The following FARP1 variants were observed in gnomAD, a reference collection of about 807,000 sequenced individuals.
The protein encoded by FARP1 is FERM, ARH/RhoGEF and pleckstrin domain protein 1, also known as FERM, ARHGEF and pleckstrin domain-containing protein 1.
A neutral mutation model predicts 128.8 loss-of-function variants in FARP1; 52 were observed. That is an observed-to-expected ratio of 0.40 (90% CI 0.32 to 0.51). The LOEUF (loss-of-function observed/expected upper bound fraction) is 0.51, where lower values mean the gene tolerates loss of function less well. Among genes scored for constraint, FARP1 ranks in the 20% least tolerant of loss-of-function variants. The pLI, the probability that FARP1 is intolerant of heterozygous loss-of-function variation, is 0.45. For synonymous variants in FARP1, 580 were observed against 551.8 expected, an observed-to-expected ratio of 1.05 and a Z score of -0.72; for missense variants, 1,333 against 1,367.9, an observed-to-expected ratio of 0.97 and a Z score of 0.40.
intron 1 of FARP1, among the ~76,000 whole-genome samples, chr13:98,179,069 C>T (rs181705193): frequency 2.0e-4 from 31 of 152,214 alleles, no homozygotes; most frequent in African/African-American, 4.6e-4. Context: ...CATATTAGTC[C>T]GTTTTCACGC....
rs1163710961 is a variant in FARP1 at position 98,451,406 on chromosome 13, T to C, written c.*3089T>C. On this transcript the variant is annotated 3_prime_UTR_variant, in exon 27 of 27. Coordinates refer to ENST00000319562, the MANE Select transcript of FARP1 (RefSeq NM_005766.4). ...TTCTTGTATGGAGTAATGAGTACAA[T>C]AAGAATTAGCAACTCAGTTCTATTT... The C allele has an allele frequency of 6.6e-6, 1 of 152,172 alleles. No individual in the cohort carries two copies. Among genetic ancestry groups the C allele is most frequent in the Non-Finnish European group, 1.5e-5 (1 of 68,026 alleles). 9.4% of individuals were successfully genotyped at this position (152,172 alleles called of 1,614,324 possible).
At chr13:98,279,115 G>A (rs2046100) in intron 2 of FARP1, among the ~76,000 whole-genome samples, 37,314 of 151,888 alleles carry the variant, frequency 0.25, 5,339 homozygotes, top group South Asian at 0.46. Flanking sequence ...GATTACAGGC[G>A]TGAGCCAACG....
intron 6 of FARP1, among the ~76,000 whole-genome samples, chr13:98,381,243 A>T (rs1889877531): frequency 6.6e-6 from 1 of 152,204 alleles, no homozygotes; most frequent in Admixed American, 6.5e-5. Context: ...CATTTCATAG[A>T]GTCTTCTGTG....
chr13:98,167,955 G>C (rs1458024018), intron 1 of FARP1, among the ~76,000 whole-genome samples: 3 of 151,596 alleles, frequency 2.0e-5, no homozygotes, highest in African/African-American at 7.3e-5. Flanking sequence ...GGTGGATCAC[G>C]AGGTCAGGAG....
At chr13:98,268,092 C>T (rs1406627352) in intron 2 of FARP1, among the ~76,000 whole-genome samples, 2 of 152,190 alleles carry the variant, frequency 1.3e-5, no homozygotes, top group African/African-American at 4.8e-5. Context: ...TATCCATTTA[C>T]ATTTTTAACT....
intron 10 of FARP1, 87 bp downstream of exon 10, chr13:98,390,207 G>A: frequency 7.1e-7 from 1 of 1,415,630 alleles, no homozygotes; most frequent in South Asian, 1.3e-5. Context: ...AGCAGGTCAG[G>A]GAGGTGAACG....
chr13:98,263,025 T>G (rs1883952485), intron 2 of FARP1, among the ~76,000 whole-genome samples: 1 of 152,106 alleles, frequency 6.6e-6, no homozygotes, highest in African/African-American at 2.4e-5. Context: ...TATTGTTTTT[T>G]GGGACAGAGC....
At chr13:98,440,367 A>C (rs1892474533) in intron 23 of FARP1, 132 bp downstream of exon 23, 9 of 713,038 alleles carry the variant, frequency 1.3e-5, no homozygotes, top group Admixed American at 2.4e-5. Context: ...GCCAAAGATC[A>C]AGACAGTTCT....
At chr13:98,354,109 T>C (rs1888549294) in intron 3 of FARP1, among the ~76,000 whole-genome samples, 1 of 152,212 alleles carries the variant, frequency 6.6e-6, no homozygotes, top group South Asian at 2.1e-4. Context: ...TAATATTGTC[T>C]TGGTTTGATT....
intron 2 of FARP1, among the ~76,000 whole-genome samples, chr13:98,291,945 G>GTTCTT (rs1885469147): frequency 6.6e-6 from 1 of 152,232 alleles, no homozygotes; most frequent in Non-Finnish European, 1.5e-5. Flanking sequence ...AGAGTCCTTG[G>GTTCTT]TGGGGAAACA....
chr13:98,381,275 A>G (rs1415373268), intron 6 of FARP1, among the ~76,000 whole-genome samples: 1 of 152,174 alleles, frequency 6.6e-6, no homozygotes, highest in Non-Finnish European at 1.5e-5. Context: ...GATTTCAATT[A>G]TTGGTGATTA....
chr13:98,284,285 G>C (rs781054028), intron 2 of FARP1, among the ~76,000 whole-genome samples: 1 of 152,104 alleles, frequency 6.6e-6, no homozygotes, highest in Non-Finnish European at 1.5e-5. Context: ...GAAACCAAAA[G>C]ATTGTTGGTC....
At chr13:98,310,400 C>T (rs1886406728) in intron 2 of FARP1, among the ~76,000 whole-genome samples, 1 of 152,228 alleles carries the variant, frequency 6.6e-6, no homozygotes, top group African/African-American at 2.4e-5. Context: ...CAGACATCCT[C>T]ATCATCCACA....
At chr13:98,219,153 G>A (rs953639356) in intron 2 of FARP1, among the ~76,000 whole-genome samples, 1 of 152,120 alleles carries the variant, frequency 6.6e-6, no homozygotes, top group African/African-American at 2.4e-5. Context: ...GTGTCCACTG[G>A]TGACAGATTC....
At chr13:98,360,811 G>A (rs1380598612) in intron 3 of FARP1, among the ~76,000 whole-genome samples, 1 of 152,200 alleles carries the variant, frequency 6.6e-6, no homozygotes, top group African/African-American at 2.4e-5. Context: ...CAGGCCATGT[G>A]GATGTGTGAG....
intron 2 of FARP1, among the ~76,000 whole-genome samples, chr13:98,240,976 T>G (rs552980868): frequency 6.6e-6 from 1 of 152,276 alleles, no homozygotes; most frequent in African/African-American, 2.4e-5. Context: ...AGGACTCTGG[T>G]GGGTGACTCA....
At chr13:98,375,493 G>T (rs979411534) in intron 5 of FARP1, among the ~76,000 whole-genome samples, 27 of 152,166 alleles carry the variant, frequency 1.8e-4, no homozygotes, top group African/African-American at 6.3e-4. Context: ...GGCCAGGCAG[G>T]TTACACACTC....
chr13:98,447,844 CAAAAAA>C (rs60019968), intron 26 of FARP1: 11 of 184,486 alleles, frequency 6.0e-5, no homozygotes, highest in Middle Eastern at 2.3e-3. Context: ...GACCCTGTCT[CAAAAAA>C]AAAAGAAAAA....
Position 98,409,285 on chromosome 13 carries a change from G to T in FARP1, c.1415-53G>T, listed in dbSNP as rs796175252. The T allele has an allele frequency of 1.2e-5, 17 of 1,386,362 alleles. No homozygotes were observed. The African/African-American group carries it at 2.0e-4, about 16-fold the overall frequency. The allele number at this position is 1,386,362 out of a possible 1,614,324, so 85.9% of individuals were successfully genotyped here. A position where few individuals can be genotyped will look rare whatever the true frequency, so the allele number is the denominator to read the frequency against. On this transcript the variant is annotated intron_variant, in intron 13 of 26. Transcript: ENST00000319562. ...GGTGAAAGTAGTGAATAGAAATCAG[G>T]TCCCAGAAAAAAATTACTTTTTTTT...
Sources: allele counts gnomAD v4.1 joint callset (sites outside exome capture counted in the v4.1 genomes callset), GRCh38; gene constraint gnomAD v4.1.1; transcripts MANE v1.5; gene names NCBI Gene and HGNC (gene_info 2026-07-23, HGNC 2026-07-21).